The following PLEK variants were observed in gnomAD, a reference collection of about 807,000 sequenced individuals.
PLEK encodes the protein platelet 47 kDa protein.
A neutral mutation model predicts 43.9 loss-of-function variants in PLEK; 25 were observed. That is an observed-to-expected ratio of 0.57 (90% CI 0.41 to 0.79). The LOEUF (loss-of-function observed/expected upper bound fraction) is 0.79, where lower values mean the gene tolerates loss of function less well. Among genes scored for constraint, PLEK ranks in the 30% least tolerant of loss-of-function variants. The probability of loss-of-function intolerance (pLI) is 0.00; values close to 1 mark genes in which losing one functional copy is unlikely to be tolerated. For synonymous variants in PLEK, 152 were observed against 144.4 expected, an observed-to-expected ratio of 1.05 and a Z score of -0.38; for missense variants, 396 against 413.3, an observed-to-expected ratio of 0.96 and a Z score of 0.36.
chr2:68,386,873 C>T (rs1673755487), intron 5 of PLEK, among the ~76,000 whole-genome samples, 187 bp downstream of exon 5: 1 of 152,108 alleles, frequency 6.6e-6, no homozygotes, highest in Non-Finnish European at 1.5e-5. Context: ...CAGCATTTCC[C>T]AACTCAACAG....
At chr2:68,390,730 T>C (rs1558501177) in intron 6 of PLEK, among the ~76,000 whole-genome samples, 1 of 152,216 alleles carries the variant, frequency 6.6e-6, no homozygotes, top group Non-Finnish European at 1.5e-5. Flanking sequence ...ATTAACTTCA[T>C]AGAAGGCTTG....
At chr2:68,367,013 C>A (rs1390098730) in intron 1 of PLEK, among the ~76,000 whole-genome samples, 1 of 152,114 alleles carries the variant, frequency 6.6e-6, no homozygotes, top group African/African-American at 2.4e-5. Flanking sequence ...ATGATAGAGT[C>A]AGGGTTGTCA....
chr2:68,367,007 T>C (rs1673287818), intron 1 of PLEK, among the ~76,000 whole-genome samples: 1 of 152,188 alleles, frequency 6.6e-6, no homozygotes, highest in Admixed American at 6.5e-5. Flanking sequence ...TTGGGGATGA[T>C]AGAGTCAGGG....
chr2:68,391,096 G>T (rs191207184), intron 6 of PLEK, among the ~76,000 whole-genome samples: 2 of 152,294 alleles, frequency 1.3e-5, no homozygotes, highest in East Asian at 3.9e-4. Context: ...AGATGGCTTT[G>T]ACAGTTCAGT....
At chr2:68,394,959 G>T (rs1387519087) in intron 8 of PLEK, among the ~76,000 whole-genome samples, 1 of 152,064 alleles carries the variant, frequency 6.6e-6, no homozygotes, top group Admixed American at 6.6e-5. Context: ...GCCTGAATTT[G>T]CCCACCTCCA....
intron 1 of PLEK, among the ~76,000 whole-genome samples, chr2:68,375,896 A>G (rs1429240621): frequency 2.6e-5 from 4 of 152,250 alleles, no homozygotes; most frequent in African/African-American, 7.2e-5. Flanking sequence ...GGCAGCTGGC[A>G]TGAACCCAAA....
At chr2:68,387,641 A>G (rs912417199) in intron 5 of PLEK, among the ~76,000 whole-genome samples, 1 of 151,960 alleles carries the variant, frequency 6.6e-6, no homozygotes, top group Non-Finnish European at 1.5e-5. Context: ...TTCTTGGGGG[A>G]TTTTGGCAGT....
intron 1 of PLEK, among the ~76,000 whole-genome samples, chr2:68,378,577 A>G (rs1444383422): frequency 1.3e-5 from 2 of 152,176 alleles, no homozygotes; most frequent in African/African-American, 2.4e-5. Context: ...TGATACTGAT[A>G]CCAGTTCATT....
In PLEK at chr2:68,396,131, T is replaced by A; in HGVS notation, c.*315T>A. ...TGAAGAAATTCAACTAGTAGATTCC[T>A]GAGGTCCCCCTAGCTTAAAAAAAAA... On this transcript the variant is annotated 3_prime_UTR_variant, in exon 9 of 9. Coordinates refer to ENST00000234313, the MANE Select transcript of PLEK (RefSeq NM_002664.3). 1.3e-5 allele frequency: 3 copies of A among 225,976 alleles called. No homozygotes were observed. The highest frequency in any genetic ancestry group is 8.3e-5 in the East Asian group (1 of 12,038). The allele number at this position is 225,976 out of a possible 1,614,324, so 14.0% of individuals were successfully genotyped here.
At position 68,380,779 on chromosome 2, in the gene PLEK, C is replaced by G. The variant is rs200274092; in HGVS notation, c.255C>G (p.Phe85Leu). 2 of 1,613,960 alleles carry G rather than the reference C, an allele frequency of 1.2e-6. No homozygotes were observed. The highest frequency in any genetic ancestry group is 1.7e-6 in the Non-Finnish European group (2 of 1,179,952). Residue 85 changes from phenylalanine to leucine, a missense_variant, in exon 3 of 9, where the codon TTC becomes TTG. Phe to Leu is a conservative substitution (Grantham distance 22). Coordinates refer to ENST00000234313, the MANE Select transcript of PLEK (RefSeq NM_002664.3). ...AGGACCACTTCTTCCAGGCAGCCTT[C>G]CTGGAGGAGAGAGATGCCTGGGTTC... is the stretch of plus-strand genomic sequence containing the variant. ...KQQDHFFQAA[F>L]LEERDAWVRD...
At chr2:68,382,660 G>C (rs373893138) in intron 4 of PLEK, 27 bp downstream of exon 4, 2 of 1,300,996 alleles carry the variant, frequency 1.5e-6, no homozygotes, top group Non-Finnish European at 2.2e-6. Context: ...GCCTGAAATA[G>C]GGCGACTGGG....
In PLEK at chr2:68,386,630, G is replaced by A; in HGVS notation, c.601G>A (p.Val201Met). The change falls in exon 5 of 9, where the codon GTG (valine) becomes ATG (methionine). Residue 201 changes from valine (V) to methionine (M), a missense_variant. Transcript: ENST00000234313. ...TGCTGGAGACATGTCCAAGAGTGCA[G>A]TGGATGGAACTGCTGAAAACCCTTT... Reference protein sequence around the residue: ...QPAGDMSKSAVDGTAENPFLD... With the variant: ...QPAGDMSKSAMDGTAENPFLD... 1 of 1,614,032 alleles carries A rather than the reference G, an allele frequency of 6.2e-7. No homozygotes were observed. The highest frequency in any genetic ancestry group is 8.5e-7 in the Non-Finnish European group (1 of 1,179,880).
Position 68,388,502 on chromosome 2 carries a change from A to G in PLEK, c.762+11A>G, listed in dbSNP as rs772218882. ...TGTTTACTGAAGCAGGTGAGTGGCC[A>G]CAACTGCTCCCATCTAGCCTTTTCC... On this transcript the variant is annotated intron_variant, in intron 6 of 8. Coordinates refer to ENST00000234313, the MANE Select transcript of PLEK (RefSeq NM_002664.3). 10 of 1,353,232 alleles carry G rather than the reference A, an allele frequency of 7.4e-6. No homozygotes were observed. Among genetic ancestry groups the G allele is most frequent in the South Asian group, 7.0e-5 (6 of 85,916 alleles). The allele number at this position is 1,353,232 out of a possible 1,614,324, so 83.8% of individuals were successfully genotyped here. A position where few individuals can be genotyped will look rare whatever the true frequency, so the allele number is the denominator to read the frequency against.
intron 1 of PLEK, among the ~76,000 whole-genome samples, chr2:68,368,121 C>G (rs1209574101): frequency 6.6e-6 from 1 of 152,204 alleles, no homozygotes; most frequent in Non-Finnish European, 1.5e-5. Context: ...CAGGTTTCCT[C>G]TTTTGCCTCC....
rs767414036 is a variant in PLEK, at chr2:68,393,231, T to C, written c.832T>C (p.Tyr278His). The change falls in exon 7 of 9, where the codon TAT becomes CAT. Residue 278 changes from tyrosine (Y) to histidine (H), a missense_variant. Physicochemically the swap from Tyr to His is moderately conservative, Grantham distance 83. Coordinates refer to ENST00000234313, the MANE Select transcript of PLEK (RefSeq NM_002664.3). The part of the protein sequence containing the change: ...LREDPAYLHY[Y>H]DPAGAEDPLG... ...AGAAGACCCTGCCTACCTGCACTAC[T>C]ATGACCCTGCTGGGGTAAGGTCCTG... is the stretch of plus-strand genomic sequence containing the variant. 1.9e-6 allele frequency: 3 copies of C among 1,607,792 alleles called. No homozygotes were observed. Among genetic ancestry groups the C allele is most frequent in the Non-Finnish European group, 2.6e-6 (3 of 1,174,192 alleles).
intron 1 of PLEK, among the ~76,000 whole-genome samples, chr2:68,368,923 G>A (rs1215510254): frequency 6.6e-6 from 1 of 152,188 alleles, no homozygotes; most frequent in African/African-American, 2.4e-5. Flanking sequence ...CAGGGTGATG[G>A]GAAAGGGAAG....
In PLEK at chr2:68,386,513, A is replaced by G. The variant is rs370974367; in HGVS notation, c.484A>G (p.Ile162Val). 1.3e-4 allele frequency: 203 copies of G among 1,613,672 alleles called. 1 individual carries two copies. In the South Asian group the frequency reaches 2.0e-3, roughly 16 times the overall value. Residue 162 changes from isoleucine to valine, a missense_variant, in exon 5 of 9, where the codon ATT becomes GTT. By Grantham distance (29) the Ile-to-Val change is conservative. Transcript: ENST00000234313. ...FNHCFTGNCVIDWLVSNQSVR... is the reference protein window; with the variant it reads ...FNHCFTGNCVVDWLVSNQSVR... Reference sequence around the variant, plus strand: ...CTGGTCCCATCTAGGTAACTGCGTCATTGATTGGCTGGTATCCAACCAGTC... The same window carrying G: ...CTGGTCCCATCTAGGTAACTGCGTCGTTGATTGGCTGGTATCCAACCAGTC...
chr2:68,380,207 G>A, intron 1 of PLEK, 121 bp from the exon 2 acceptor site: 1 of 742,038 alleles, frequency 1.3e-6, no homozygotes, highest in Middle Eastern at 2.4e-4. Flanking sequence ...AAGGAACAGA[G>A]ATGATGTCAC....
chr2:68,382,876 A>T (rs940083376), intron 4 of PLEK, among the ~76,000 whole-genome samples: 3 of 152,116 alleles, frequency 2.0e-5, no homozygotes, highest in Admixed American at 2.0e-4. Context: ...TAACGTTCCA[A>T]TCAAAGGATT....
Sources: allele counts gnomAD v4.1 joint callset (sites outside exome capture counted in the v4.1 genomes callset), GRCh38; gene constraint gnomAD v4.1.1; transcripts MANE v1.5; gene names NCBI Gene and HGNC (gene_info 2026-07-23, HGNC 2026-07-21).